Variants in NRF1 observed in about 807,000 individuals in gnomAD.
NRF1 encodes the protein nuclear respiratory factor 1, also known as alpha palindromic-binding protein.
NRF1 carries 5 observed loss-of-function variants against 58.5 expected under a neutral mutation model. The observed-to-expected ratio is 0.09, with a 90% CI of 0.04 to 0.18. The LOEUF (loss-of-function observed/expected upper bound fraction) is 0.18. Among genes scored for constraint, NRF1 ranks in the 10% least tolerant of loss-of-function variants. The pLI, the probability that NRF1 is intolerant of heterozygous loss-of-function variation, is 1.00. For synonymous variants in NRF1, 224 were observed against 246.7 expected (o/e 0.91, Z 0.86); for missense variants, 288 against 657.7 (o/e 0.44, Z 6.15).
At chr7:129,675,400 G>C (rs1216768487) in intron 3 of NRF1, among the ~76,000 whole-genome samples, 1 of 152,170 alleles carries the variant, frequency 6.6e-6, no homozygotes, top group Non-Finnish European at 1.5e-5. Context: ...ACTCTTAATG[G>C]CATCTTGAAT....
chr7:129,722,882 T>C (rs1803361178), intron 9 of NRF1, among the ~76,000 whole-genome samples: 1 of 152,150 alleles, frequency 6.6e-6, no homozygotes, highest in Non-Finnish European at 1.5e-5. Context: ...TTATTGTAAA[T>C]TGTAAGAATA....
At chr7:129,678,285 G>A (rs933875698) in intron 4 of NRF1, among the ~76,000 whole-genome samples, 4 of 151,982 alleles carry the variant, frequency 2.6e-5, no homozygotes, top group African/African-American at 9.7e-5. Context: ...ATAGTCTTTT[G>A]CCCCTGCATA....
intron 4 of NRF1, among the ~76,000 whole-genome samples, chr7:129,685,647 T>C (rs188119487): frequency 6.6e-6 from 1 of 151,652 alleles, no homozygotes; most frequent in Admixed American, 6.6e-5. Flanking sequence ...CTCAGCAATG[T>C]CATGCACTGG....
intron 5 of NRF1, among the ~76,000 whole-genome samples, chr7:129,703,589 CA>C (rs1354423121): frequency 1.3e-5 from 2 of 152,118 alleles, no homozygotes; most frequent in Non-Finnish European, 1.5e-5. Flanking sequence ...TTGCCTTTTT[CA>C]ATGAAGTCAA....
chr7:129,695,303 ATGGTGGCTCACTCC>A (rs1446481581), intron 5 of NRF1, among the ~76,000 whole-genome samples: 2 of 151,938 alleles, frequency 1.3e-5, no homozygotes, highest in African/African-American at 2.4e-5. Context: ...ACTGCCGGGC[ATGGTGGCTCACTCC>A]TGTAATCACA....
At position 129,756,190 on chromosome 7, in the gene NRF1, C is replaced by G. The variant is rs924230737; in HGVS notation, c.*1009C>G. On this transcript the variant is annotated 3_prime_UTR_variant, in exon 11 of 11. Transcript: ENST00000393232. ...AGAAAAATCGTCCTAGACCAGGATA[C>G]ACCCGTGGGAGCAATTTTCTCTACT... The G allele has an allele frequency of 6.6e-6, 1 of 152,298 alleles. No individual in the cohort carries two copies. The highest frequency in any genetic ancestry group is 1.5e-5 in the Non-Finnish European group (1 of 68,122). The allele number at this position is 152,298 out of a possible 1,614,324, so 9.4% of individuals were successfully genotyped here.
intron 8 of NRF1, among the ~76,000 whole-genome samples, chr7:129,714,058 G>A (rs1803135082): frequency 6.6e-6 from 1 of 152,176 alleles, no homozygotes; most frequent in African/African-American, 2.4e-5. Flanking sequence ...TGCAACAAGA[G>A]CTCAAGTAAA....
intron 1 of NRF1, among the ~76,000 whole-genome samples, chr7:129,614,443 TTGTGTGTGTGTG>T (rs56403369): frequency 6.9e-6 from 1 of 145,746 alleles, no homozygotes. Flanking sequence ...AAATATGTAT[TTGTGTGTGTGTG>T]TGTGTGTGTG....
chr7:129,674,320 C>T (rs1312555178), intron 3 of NRF1, among the ~76,000 whole-genome samples: 1 of 151,760 alleles, frequency 6.6e-6, no homozygotes, highest in East Asian at 1.9e-4. Flanking sequence ...CACAATAAGT[C>T]ACAGAAATTT....
At chr7:129,729,321 C>T (rs1803525770) in intron 10 of NRF1, among the ~76,000 whole-genome samples, 2 of 152,218 alleles carry the variant, frequency 1.3e-5, no homozygotes, top group Non-Finnish European at 2.9e-5. Flanking sequence ...CTATTGATTA[C>T]TGGAAGCTGC....
At chr7:129,655,062 G>A (rs1353434787) in intron 1 of NRF1, among the ~76,000 whole-genome samples, 2 of 152,172 alleles carry the variant, frequency 1.3e-5, no homozygotes, top group African/African-American at 4.8e-5. Context: ...CATCTTGACA[G>A]TATTGTGTCT....
At chr7:129,654,466 G>T (rs1017437066) in intron 1 of NRF1, among the ~76,000 whole-genome samples, 6 of 152,066 alleles carry the variant, frequency 3.9e-5, no homozygotes, top group Non-Finnish European at 8.8e-5. Context: ...TTGTTTTAAT[G>T]AAGTCCAGCT....
intron 1 of NRF1, among the ~76,000 whole-genome samples, chr7:129,623,232 T>A (rs1019478981): frequency 6.6e-6 from 1 of 152,212 alleles, no homozygotes; most frequent in Admixed American, 6.6e-5. Context: ...AGATTTCTAT[T>A]TGCAGGTTAG....
rs993860486 is a variant in NRF1, at chr7:129,756,251, A to AC, written c.*1070_*1071insC. The AC allele has an allele frequency of 3.3e-4, 50 of 152,274 alleles. No individual in the cohort carries two copies. The highest frequency in any genetic ancestry group is 1.2e-3 in the African/African-American group (48 of 41,434). 9.4% of individuals were successfully genotyped at this position (152,274 alleles called of 1,614,324 possible). On this transcript the variant is annotated 3_prime_UTR_variant, in exon 11 of 11. Coordinates refer to ENST00000393232, the MANE Select transcript of NRF1 (RefSeq NM_005011.5). The stretch of plus-strand genomic sequence containing the variant: ...TCACAGAGGAGGCGCTGGAATGAAC[A>AC]AGAAGAGACATCTGGTCTGTGGCCA...
At chr7:129,635,629 C>T (rs530797290) in intron 1 of NRF1, among the ~76,000 whole-genome samples, 12 of 152,170 alleles carry the variant, frequency 7.9e-5, no homozygotes, top group Non-Finnish European at 1.3e-4. Context: ...CACTTTTGGA[C>T]CGCAGGGTTC....
chr7:129,708,458 T>C (rs557010377), intron 5 of NRF1, among the ~76,000 whole-genome samples: 5 of 152,356 alleles, frequency 3.3e-5, no homozygotes, highest in African/African-American at 1.2e-4. Context: ...GACAGTGGCC[T>C]AGCTTACTGG....
At chr7:129,668,403 TTCTTAAAA>T (rs1801969600) in intron 2 of NRF1, among the ~76,000 whole-genome samples, 1 of 152,244 alleles carries the variant, frequency 6.6e-6, no homozygotes, top group Admixed American at 6.5e-5. Context: ...TGCCTTCAAA[TTCTTAAAA>T]TCTTATGAAT....
At chr7:129,615,407 A>G (rs1177603156) in intron 1 of NRF1, among the ~76,000 whole-genome samples, 1 of 51,918 alleles carries the variant, frequency 1.9e-5, no homozygotes, top group Non-Finnish European at 3.9e-5. Context: ...ATCTGAATTT[A>G]GATGTTTGTG....
chr7:129,697,132 G>T (rs75171349), intron 5 of NRF1, among the ~76,000 whole-genome samples: 2,452 of 151,944 alleles, frequency 0.016, 60 homozygotes, highest in African/African-American at 0.056. Flanking sequence ...CTTTATTAGA[G>T]AAAGTTCATG....
Sources: allele counts gnomAD v4.1 joint callset (sites outside exome capture counted in the v4.1 genomes callset), GRCh38; gene constraint gnomAD v4.1.1; transcripts MANE v1.5; gene names NCBI Gene and HGNC (gene_info 2026-07-23, HGNC 2026-07-21).